The following HERC2 variants were observed in gnomAD, a reference collection of about 807,000 sequenced individuals.
The protein encoded by HERC2 is E3 ubiquitin-protein ligase HERC2.
HERC2 carries 102 observed loss-of-function variants against 537.7 expected under a neutral mutation model. That is an observed-to-expected ratio of 0.19 (90% CI 0.16 to 0.22). HERC2 has a LOEUF of 0.22. Among genes scored for constraint, HERC2 ranks in the 10% least tolerant of loss-of-function variants. HERC2 has a pLI of 1.00. For synonymous variants in HERC2, 2,224 were observed against 2,466.2 expected (o/e 0.90, Z 2.91); for missense variants, 4,236 against 6,198.2 (o/e 0.68, Z 10.63).
In HERC2 at chr15:28,274,886, G is replaced by T; in HGVS notation, c.643+19C>A. On this transcript the variant is annotated intron_variant, in intron 6 of 92. Coordinates refer to ENST00000261609, the MANE Select transcript of HERC2 (RefSeq NM_004667.6). Reference sequence around the variant, plus strand: ...ATGTATTAGGGAAGCAGAACAACGCGCCACACCAGGGACCGTACCTGATCG... The same window carrying T: ...ATGTATTAGGGAAGCAGAACAACGCTCCACACCAGGGACCGTACCTGATCG... 6.3e-7 allele frequency: 1 copy of T among 1,589,560 alleles called. No individual in the cohort carries two copies.
chr15:28,173,591 G>C (rs1281955858), intron 65 of HERC2, among the ~76,000 whole-genome samples: 1 of 152,012 alleles, frequency 6.6e-6, no homozygotes, highest in Admixed American at 6.6e-5. Context: ...TTGAGCTCAG[G>C]AGTTCAAGAC....
chr15:28,128,960 T>TCTA (rs2142140023), intron 83 of HERC2, among the ~76,000 whole-genome samples: 1 of 152,324 alleles, frequency 6.6e-6, no homozygotes, highest in East Asian at 1.9e-4. Context: ...TGAAAATCTT[T>TCTA]CTACTACCTC....
intron 2 of HERC2, among the ~76,000 whole-genome samples, chr15:28,300,088 GAC>G (rs1170919590): frequency 6.7e-6 from 1 of 148,804 alleles, no homozygotes; most frequent in Non-Finnish European, 1.5e-5. Context: ...AGAAAAAAAA[GAC>G]ACACACACAA....
Position 28,132,084 on chromosome 15 carries a change from A to G in HERC2, c.12570+16T>C. 1 of 1,576,530 alleles carries G rather than the reference A, an allele frequency of 6.3e-7. No homozygotes were observed. Among genetic ancestry groups the G allele is most frequent in the Non-Finnish European group, 8.7e-7 (1 of 1,154,994 alleles). On this transcript the variant is annotated intron_variant, in intron 81 of 92. Coordinates refer to ENST00000261609, the MANE Select transcript of HERC2 (RefSeq NM_004667.6). ...TGAGCTGGGAGAGCACTGGGCAGGG[A>G]AAGAATGGGAAATACCTTCATAGGC...
Position 28,124,734 on chromosome 15 carries a change from G to T in HERC2, c.12990+272C>A, listed in dbSNP as rs187851665. 2.2e-4 allele frequency among the ~76,000 whole-genome samples: 33 copies of T among 152,324 alleles called. No individual in the cohort carries two copies. The East Asian group carries it at 6.4e-3, about 29-fold the overall frequency. On this transcript the variant is annotated intron_variant, in intron 84 of 92. Transcript: ENST00000261609. The stretch of plus-strand genomic sequence containing the variant: ...GCCACTATGCCTGACTAATTTTGTA[G>T]AGACAGGGTTTTGCTATGTTGTCCA...
At chr15:28,186,550 T>G (rs1437940836) in intron 56 of HERC2, 27 bp downstream of exon 56, 1 of 1,596,038 alleles carries the variant, frequency 6.3e-7, no homozygotes, top group African/African-American at 1.3e-5. Flanking sequence ...GGGAGGTAAG[T>G]GAGCACCTGT....
intron 70 of HERC2, among the ~76,000 whole-genome samples, chr15:28,151,769 T>TA (rs113713636): frequency 0.075 from 10,904 of 145,390 alleles, 867 homozygotes; most frequent in East Asian, 0.43. Context: ...ATAATAACAT[T>TA]AAAAAAAAAA....
chr15:28,204,624 A>C (rs1321341921), intron 45 of HERC2, among the ~76,000 whole-genome samples: 1 of 152,014 alleles, frequency 6.6e-6, no homozygotes, highest in African/African-American at 2.4e-5. Flanking sequence ...GTCAAAAAAA[A>C]AAAAAAAAAA....
intron 44 of HERC2, among the ~76,000 whole-genome samples, chr15:28,207,835 C>G (rs994078943): frequency 3.3e-5 from 5 of 151,890 alleles, no homozygotes; most frequent in African/African-American, 1.2e-4. Context: ...AGTCTCTGTC[C>G]CAACTACTCA....
chr15:28,316,222 CAAAAAAAA>C (rs869089875), intron 2 of HERC2, among the ~76,000 whole-genome samples: 35 of 50,558 alleles, frequency 6.9e-4, no homozygotes, highest in South Asian at 5.3e-3. Context: ...GACTCTGTCT[CAAAAAAAA>C]AAAAAAAAAA....
At chr15:28,304,623 C>CA (rs1445109689) in intron 2 of HERC2, among the ~76,000 whole-genome samples, 10 of 152,116 alleles carry the variant, frequency 6.6e-5, no homozygotes, top group African/African-American at 2.4e-4. Flanking sequence ...CTCAGCCTCC[C>CA]AAAGTGCTGG....
chr15:28,136,419 C>T (rs74005609), intron 78 of HERC2, among the ~76,000 whole-genome samples: 12,765 of 152,220 alleles, frequency 0.084, 1,820 homozygotes, highest in African/African-American at 0.29. Flanking sequence ...CAGCTTCTGG[C>T]GGGGAGGGTG....
At chr15:28,199,974 C>G (rs536207541) in intron 48 of HERC2, among the ~76,000 whole-genome samples, 5 of 152,108 alleles carry the variant, frequency 3.3e-5, no homozygotes, top group Non-Finnish European at 5.9e-5. Context: ...GTGTCCCCCC[C>G]ACCAAAATTC....
Position 28,191,149 on chromosome 15 carries a change from A to T in HERC2, c.8547T>A (p.Val2849=). 1.9e-6 allele frequency: 3 copies of T among 1,612,064 alleles called. No homozygotes were observed. The highest frequency in any genetic ancestry group is 2.5e-6 in the Non-Finnish European group (3 of 1,178,130). Residue 2849 remains valine (V), a synonymous_variant, in exon 54 of 93, where the codon GTT becomes GTA. Transcript: ENST00000261609. ...PADSSYMPSL[V]VVSGGNSLNN... Reference sequence around the variant, plus strand: ...AACTAACTGAATTACCTGACACTACAACCAGGGACGGCATGTAGCTACTGT... The same window carrying T: ...AACTAACTGAATTACCTGACACTACTACCAGGGACGGCATGTAGCTACTGT...
At chr15:28,120,839 G>A (rs541784228) in intron 86 of HERC2, among the ~76,000 whole-genome samples, 16 of 152,272 alleles carry the variant, frequency 1.1e-4, no homozygotes, top group Non-Finnish European at 1.9e-4. Flanking sequence ...AAGTGGGCAC[G>A]GCCCCCCAGC....
chr15:28,238,124 T>C lies in HERC2; in HGVS notation c.3842A>G (p.Gln1281Arg). ...RESMHAFCVG[Q>R]YLEPDQEIVT... ...GGCATACAGCCTCACCTCCAAATAC[T>C]GGCCAACACAAAACGCGTGCATGGA... is the stretch of plus-strand genomic sequence containing the variant. The change falls in exon 25 of 93, where the codon CAG (glutamine) becomes CGG (arginine). Residue 1281 changes from glutamine (Q) to arginine (R), a missense_variant. This residue lies in a region of HERC2 where 754 missense variants were observed against 1,085.0 expected (regional missense o/e 0.69). Coordinates refer to ENST00000261609, the MANE Select transcript of HERC2 (RefSeq NM_004667.6). The C allele has an allele frequency of 1.9e-6, 3 of 1,611,464 alleles. No individual in the cohort carries two copies. The highest frequency in any genetic ancestry group is 2.5e-6 in the Non-Finnish European group (3 of 1,179,388).
At chr15:28,293,946 C>T (rs1382211135) in intron 3 of HERC2, among the ~76,000 whole-genome samples, 3 of 152,208 alleles carry the variant, frequency 2.0e-5, no homozygotes, top group Non-Finnish European at 4.4e-5. Context: ...AGTGTAAACA[C>T]GTTCCATCAC....
At chr15:28,182,157 A>AT (rs1895885544) in intron 57 of HERC2, among the ~76,000 whole-genome samples, 1 of 152,136 alleles carries the variant, frequency 6.6e-6, no homozygotes, top group Admixed American at 6.6e-5. Flanking sequence ...TATAATTTTC[A>AT]TTTATGCACT....
intron 69 of HERC2, among the ~76,000 whole-genome samples, chr15:28,160,538 C>T (rs565408288): frequency 4.6e-5 from 7 of 152,320 alleles, no homozygotes; most frequent in East Asian, 1.9e-4. Flanking sequence ...GAGCCAGGCG[C>T]GAGATATAAT....
Sources: gnomAD v4.1 joint callset for allele counts (sites outside exome capture counted in the v4.1 genomes callset) on GRCh38, gnomAD v4.1.1 for gene constraint, gnomAD v4.1.1 regional missense constraint, MANE v1.5 for transcripts, NCBI Gene and HGNC (gene_info 2026-07-23, HGNC 2026-07-21) for gene names.